The following SLC33A2 variants were observed in gnomAD, a reference collection of about 807,000 sequenced individuals.
SLC33A2 encodes major facilitator superfamily domain containing 3.
the SLC33A2 span, chr8:144,510,784 G>A: frequency 6.2e-7 from 1 of 1,611,154 alleles, no homozygotes; most frequent in South Asian, 1.1e-5. Flanking sequence ...GCTGACTTCT[G>A]CCCTCCCAGG....
At chr8:144,510,629 C>A in the SLC33A2 span, 2 of 1,568,142 alleles carry the variant, frequency 1.3e-6, no homozygotes, top group Admixed American at 1.8e-5. Flanking sequence ...GTCGGTGCTG[C>A]GCTTCCGCCT....
chr8:144,511,094 T>G, the SLC33A2 span: 2 of 1,609,610 alleles, frequency 1.2e-6, no homozygotes, highest in Non-Finnish European at 8.5e-7. Context: ...CATCCCTGCT[T>G]CTTGCTCCTG....
the SLC33A2 span, chr8:144,510,283 T>C: frequency 9.5e-6 from 15 of 1,584,074 alleles, no homozygotes; most frequent in South Asian, 1.5e-4. Flanking sequence ...AGGGCAGGAC[T>C]GAGGGCCCAG....
the SLC33A2 span, chr8:144,510,059 G>A: frequency 6.4e-7 from 1 of 1,563,338 alleles, no homozygotes; most frequent in Non-Finnish European, 8.6e-7. Flanking sequence ...GGGGCTTCCG[G>A]GACAGCTCCA....
At chr8:144,509,619 G>A in the SLC33A2 span, 17 of 1,560,566 alleles carry the variant, frequency 1.1e-5, no homozygotes, top group Non-Finnish European at 1.3e-5. Context: ...TGGCCAGGCC[G>A]GGCTGCCCGC....
chr8:144,510,172 T>C, the SLC33A2 span: 1 of 1,270,940 alleles, frequency 7.9e-7, no homozygotes, highest in Non-Finnish European at 1.1e-6. Flanking sequence ...AGCTGGGCCT[T>C]GTGTCTTGTC....
chr8:144,510,042 A>C, the SLC33A2 span: 1 of 1,580,814 alleles, frequency 6.3e-7, no homozygotes, highest in Non-Finnish European at 8.5e-7. Flanking sequence ...GCCAGGCAAC[A>C]GCAGTTGGGG....
At chr8:144,509,315 G>A in the SLC33A2 span, 2 of 1,432,516 alleles carry the variant, frequency 1.4e-6, no homozygotes, top group East Asian at 2.7e-5. Context: ...TCCCAGCCTC[G>A]CAGCCGGCCT....
At chr8:144,510,460 C>T in the SLC33A2 span, 1 of 1,612,870 alleles carries the variant, frequency 6.2e-7, no homozygotes, top group Non-Finnish European at 8.5e-7. Flanking sequence ...CTGTGGTCTG[C>T]TCCATCGCTG....
chr8:144,510,206 C>T, the SLC33A2 span: 4 of 1,331,218 alleles, frequency 3.0e-6, no homozygotes, highest in South Asian at 4.2e-5. Context: ...AGCCCCATCC[C>T]TGAGCGCTCT....
At chr8:144,510,779 C>G in the SLC33A2 span, 7 of 1,611,196 alleles carry the variant, frequency 4.3e-6, no homozygotes, top group Non-Finnish European at 5.9e-6. Context: ...GCACTGCTGA[C>G]TTCTGCCCTC....
the SLC33A2 span, chr8:144,509,796 C>T: frequency 6.5e-7 from 1 of 1,546,296 alleles, no homozygotes; most frequent in East Asian, 2.4e-5. Flanking sequence ...GGGCGCGCTG[C>T]TGGCGCTGCT....
At chr8:144,511,197 T>C in the SLC33A2 span, 1 of 1,596,554 alleles carries the variant, frequency 6.3e-7, no homozygotes, top group South Asian at 1.1e-5. Flanking sequence ...TAAAGCCACA[T>C]GTGCCTGTGG....
chr8:144,510,154 G>A, the SLC33A2 span: 7 of 1,297,464 alleles, frequency 5.4e-6, no homozygotes, highest in South Asian at 1.4e-5. Context: ...TGACATCCGG[G>A]GCTCTGCAGC....
chr8:144,510,639 T>G, the SLC33A2 span: 8 of 1,562,602 alleles, frequency 5.1e-6, no homozygotes, highest in Non-Finnish European at 6.9e-6. Flanking sequence ...CGCTTCCGCC[T>G]CGGGGGCCTA....
At chr8:144,510,242 G>A in the SLC33A2 span, 3 of 1,485,210 alleles carry the variant, frequency 2.0e-6, no homozygotes, top group South Asian at 1.3e-5. Flanking sequence ...TTCTCCCCCA[G>A]TATCTGCAGC....
chr8:144,509,594 G>A, the SLC33A2 span: 3 of 1,539,654 alleles, frequency 1.9e-6, no homozygotes, highest in Admixed American at 1.9e-5. Context: ...TTGCCGGGCT[G>A]CCCCCTCCTG....
At chr8:144,511,016 C>T in the SLC33A2 span, 63 of 1,602,270 alleles carry the variant, frequency 3.9e-5, no homozygotes, top group Middle Eastern at 1.6e-4. Context: ...CTTCTGGCCA[C>T]GCTGGAGCTG....
chr8:144,510,487 G>A, the SLC33A2 span: 3 of 1,612,642 alleles, frequency 1.9e-6, no homozygotes, highest in Non-Finnish European at 2.5e-6. Context: ...CCCTGGGTGG[G>A]ACCTTGCTGG....
Sources: allele counts gnomAD v4.1 joint callset, GRCh38; gene constraint gnomAD v4.1.1; transcripts MANE v1.5; gene names NCBI Gene and HGNC (gene_info 2026-07-23, HGNC 2026-07-21).